The following KYNU variants were observed in gnomAD, a reference collection of about 807,000 sequenced individuals.
The protein encoded by KYNU is kynureninase.
Under a neutral mutation model 59.2 loss-of-function variants are expected in KYNU, and 54 were observed. That is an observed-to-expected ratio of 0.91 (90% confidence interval 0.73 to 1.14). The LOEUF is 1.14. KYNU is among the 50% of genes most tolerant of loss of function. KYNU has a pLI of 0.00. For missense variants in KYNU, 567 were observed against 554.4 expected (o/e 1.02, Z -0.23); for synonymous variants, 177 against 192.0 (o/e 0.92, Z 0.65).
intron 9 of KYNU, among the ~76,000 whole-genome samples, chr2:142,985,613 T>C (rs1262782170): frequency 6.6e-6 from 1 of 151,856 alleles, no homozygotes; most frequent in African/African-American, 2.4e-5. Flanking sequence ...GCTTTAAAAA[T>C]ATATTTTTAT....
At chr2:142,975,408 T>A (rs1684855497) in intron 8 of KYNU, among the ~76,000 whole-genome samples, 1 of 152,204 alleles carries the variant, frequency 6.6e-6, no homozygotes, top group South Asian at 2.1e-4. Flanking sequence ...TAAGTCCCTG[T>A]GACCTCATTC....
chr2:142,988,207 C>T (rs906940943), intron 10 of KYNU, among the ~76,000 whole-genome samples: 4 of 151,788 alleles, frequency 2.6e-5, no homozygotes, highest in African/African-American at 7.3e-5. Context: ...TTCTGTAACA[C>T]CCTAGCCCAA....
rs565193505 is a variant in KYNU, at chr2:143,038,880, C to T, written c.1042-1548C>T. Among the ~76,000 whole-genome samples the T allele has an allele frequency of 6.6e-5, 10 of 152,244 alleles. 1 individual carries two copies. Among genetic ancestry groups the T allele is most frequent in the African/African-American group, 2.2e-4 (9 of 41,560 alleles). Reference sequence around the variant, plus strand: ...ATATCACCAAATGACCCTATCTTTGCTCTTGATATCTTTGCTCATGACACA... The same window carrying T: ...ATATCACCAAATGACCCTATCTTTGTTCTTGATATCTTTGCTCATGACACA... On this transcript the variant is annotated intron_variant, in intron 12 of 13. Coordinates refer to ENST00000264170, the MANE Select transcript of KYNU (RefSeq NM_003937.3).
chr2:143,022,552 T>A (rs1249696084), intron 10 of KYNU, among the ~76,000 whole-genome samples: 1 of 151,952 alleles, frequency 6.6e-6, no homozygotes, highest in Admixed American at 6.6e-5. Flanking sequence ...TTTGATTTGG[T>A]TTTTGTTTTC....
intron 8 of KYNU, among the ~76,000 whole-genome samples, chr2:142,975,321 T>C (rs1684852453): frequency 6.6e-6 from 1 of 151,982 alleles, no homozygotes; most frequent in African/African-American, 2.4e-5. Context: ...CAGGGGAAAA[T>C]TAGCTACCTA....
chr2:143,023,374 G>T (rs1009844973), intron 10 of KYNU, among the ~76,000 whole-genome samples: 1 of 151,810 alleles, frequency 6.6e-6, no homozygotes. Context: ...TAAAGATTTT[G>T]TATAGTTATA....
At chr2:142,884,688 C>CTTTTTTTT (rs70997529) in intron 1 of KYNU, among the ~76,000 whole-genome samples, 48 of 77,034 alleles carry the variant, frequency 6.2e-4, no homozygotes, top group Admixed American at 1.1e-3. Context: ...TTCTCTTTTC[C>CTTTTTTTT]TTTTTTTTTT....
rs1293377435 is a variant in KYNU at position 143,046,438 on chromosome 2, T to G, written c.*4266T>G. The G allele has an allele frequency of 6.6e-6, 1 of 152,152 alleles. No homozygotes were observed. The highest frequency in any genetic ancestry group is 1.9e-4 in the East Asian group (1 of 5,204). 9.4% of individuals were successfully genotyped at this position (152,152 alleles called of 1,614,324 possible). A position where few individuals can be genotyped will look rare whatever the true frequency, so the allele number is the denominator to read the frequency against. The stretch of plus-strand genomic sequence containing the variant: ...GTCATAAACCATCTTTAAGTTCTCC[T>G]ATGTTACAAGTAATTTTGTAAATGA... On this transcript the variant is annotated 3_prime_UTR_variant, in exon 14 of 14. Coordinates refer to ENST00000264170, the MANE Select transcript of KYNU (RefSeq NM_003937.3).
chr2:142,970,732 C>T (rs1558951348), intron 8 of KYNU, among the ~76,000 whole-genome samples: 1 of 152,172 alleles, frequency 6.6e-6, no homozygotes, highest in Non-Finnish European at 1.5e-5. Context: ...TGTTCCTTTA[C>T]TGATTGTGGA....
At chr2:142,948,978 T>C (rs754413613) in intron 4 of KYNU, among the ~76,000 whole-genome samples, 6 of 152,188 alleles carry the variant, frequency 3.9e-5, no homozygotes, top group Non-Finnish European at 5.9e-5. Context: ...AGGCACTGGG[T>C]AAATACAGCT....
At chr2:142,931,430 C>T (rs1683214512) in intron 4 of KYNU, among the ~76,000 whole-genome samples, 2 of 152,122 alleles carry the variant, frequency 1.3e-5, no homozygotes, top group African/African-American at 2.4e-5. Flanking sequence ...TGTCTGGAAA[C>T]GCGTCTGTGC....
intron 11 of KYNU, among the ~76,000 whole-genome samples, chr2:143,032,427 A>C (rs570535523): frequency 6.6e-6 from 1 of 152,270 alleles, no homozygotes; most frequent in South Asian, 2.1e-4. Context: ...CCCACCCTCG[A>C]CATATGGGGA....
At chr2:142,944,936 G>A (rs936160406) in intron 4 of KYNU, among the ~76,000 whole-genome samples, 1 of 152,162 alleles carries the variant, frequency 6.6e-6, no homozygotes, top group African/African-American at 2.4e-5. Context: ...TATTAAGTAT[G>A]CAATAGCATT....
intron 8 of KYNU, among the ~76,000 whole-genome samples, chr2:142,982,011 G>T (rs1285761551): frequency 6.6e-6 from 1 of 152,102 alleles, no homozygotes; most frequent in Non-Finnish European, 1.5e-5. Flanking sequence ...ACAGACTATA[G>T]TTTGCATGTC....
intron 4 of KYNU, chr2:142,947,393 G>A (rs1178322007): frequency 3.0e-6 from 2 of 667,228 alleles, no homozygotes; most frequent in African/African-American, 1.8e-5. Context: ...AATAGTTGAA[G>A]ACATCGGAAT....
At chr2:142,938,158 T>C (rs2105042266) in intron 4 of KYNU, among the ~76,000 whole-genome samples, 1 of 152,362 alleles carries the variant, frequency 6.6e-6, no homozygotes, top group African/African-American at 2.4e-5. Context: ...TGAAGTCTTA[T>C]TTTTTATTAT....
chr2:142,914,605 G>A (rs1355197352), intron 2 of KYNU, among the ~76,000 whole-genome samples: 2 of 152,132 alleles, frequency 1.3e-5, no homozygotes, highest in Non-Finnish European at 2.9e-5. Flanking sequence ...AAGAACATGT[G>A]CTCACTTTGT....
intron 4 of KYNU, among the ~76,000 whole-genome samples, chr2:142,935,743 A>T (rs1233966611): frequency 6.6e-6 from 1 of 152,148 alleles, no homozygotes. Context: ...TAAAGATGGC[A>T]TCTGAAGGAG....
Position 143,040,547 on chromosome 2 carries a change from T to A in KYNU, c.1161T>A (p.Val387=). The A allele has an allele frequency of 6.2e-7, 1 of 1,613,144 alleles. No individual in the cohort carries two copies. Among genetic ancestry groups the A allele is most frequent in the South Asian group, 1.1e-5 (1 of 91,060 alleles). Reference sequence around the variant, plus strand: ...ATAAAGCAGCAACCAAGAAACCAGTTGTGAACATAATTACTCCGTCTCATG... The same window carrying A: ...ATAAAGCAGCAACCAAGAAACCAGTAGTGAACATAATTACTCCGTCTCATG... ...GKDKAATKKP[V]VNIITPSHVE... is the part of the protein sequence containing the mutation. The change falls in exon 13 of 14, where the codon GTT becomes GTA. Residue 387 remains valine (V), a synonymous_variant. Coordinates refer to ENST00000264170, the MANE Select transcript of KYNU (RefSeq NM_003937.3).
Sources: gnomAD v4.1 joint callset for allele counts (sites outside exome capture counted in the v4.1 genomes callset) on GRCh38, gnomAD v4.1.1 for gene constraint, MANE v1.5 for transcripts, NCBI Gene and HGNC (gene_info 2026-07-23, HGNC 2026-07-21) for gene names.